Variants in PRSS48 observed in about 807,000 individuals in gnomAD.
The protein encoded by PRSS48 is epidermis-specific serine protease-like protein.
A neutral mutation model predicts 25.6 loss-of-function variants in PRSS48; 21 were observed. That is an observed-to-expected ratio of 0.82 (90% CI 0.58 to 1.18). The LOEUF is 1.18. PRSS48 is among the 50% of genes most tolerant of loss of function. PRSS48 has a pLI of 0.00. For missense variants in PRSS48, 373 were observed against 399.3 expected (o/e 0.93, Z 0.56); for synonymous variants, 150 against 149.3 (o/e 1.00, Z -0.04).
rs533371734 is a variant in PRSS48 at position 151,286,982 on chromosome 4, A to T, written c.651+3696A>T. On this transcript the variant is annotated intron_variant, in intron 4 of 4. Coordinates refer to ENST00000455694, the Ensembl canonical transcript of PRSS48. ...GTGACAGAGTGAGATTCTGTCTCAA[A>T]AATAATAATAATAATAATAATAATA... 6.3e-5 allele frequency among the ~76,000 whole-genome samples: 9 copies of T among 141,836 alleles called. No homozygotes were observed. In the South Asian group the frequency reaches 9.1e-4, roughly 14 times the overall value. 93.0% of individuals were successfully genotyped at this position (141,836 alleles called of 152,430 possible).
At chr4:151,282,227 G>A (rs769232154) in exon 3 of PRSS48, 13 of 1,613,776 alleles carry the variant, frequency 8.1e-6, no homozygotes, top group African/African-American at 6.7e-5. Flanking sequence ...GAAGTACTAC[G>A]TGTCCAAAAT....
At chr4:151,279,280 C>A (rs965437780) in intron 1 of PRSS48, 10 of 196,118 alleles carry the variant, frequency 5.1e-5, no homozygotes, top group Non-Finnish European at 1.0e-4. Context: ...ATTGCCCAGG[C>A]CTCAAGCAGT....
chr4:151,282,389 T>C lies in PRSS48; in HGVS notation c.457T>C (p.Trp153Arg), dbSNP rs748226362. 90 of 1,613,634 alleles carry C rather than the reference T, an allele frequency of 5.6e-5. No individual in the cohort carries two copies. Among genetic ancestry groups the C allele is most frequent in the Non-Finnish European group, 7.5e-5 (88 of 1,179,838 alleles). ...TCCACCCTTTTGTTGGGTGACCGGA[T>C]GGGGAAAAGTTAAGGAAAGTTCAGG... The change falls in exon 3 of 5, where the codon TGG becomes CGG. Residue 153 changes from tryptophan (W) to arginine (R), a missense_variant. Coordinates refer to ENST00000455694, the Ensembl canonical transcript of PRSS48.
chr4:151,286,982 A>AAATAAT (rs113584974), intron 4 of PRSS48, among the ~76,000 whole-genome samples: 5,544 of 141,784 alleles, frequency 0.039, 110 homozygotes, highest in Middle Eastern at 0.069. Context: ...TCTGTCTCAA[A>AAATAAT]AATAATAATA....
At chr4:151,279,427 C>T (rs936388502) in intron 1 of PRSS48, among the ~76,000 whole-genome samples, 3 of 152,048 alleles carry the variant, frequency 2.0e-5, no homozygotes, top group Admixed American at 2.0e-4. Flanking sequence ...GTGAAGATTC[C>T]CACTAATAGG....
intron 2 of PRSS48, among the ~76,000 whole-genome samples, chr4:151,280,803 A>G (rs1350749925): frequency 6.6e-6 from 1 of 152,114 alleles, no homozygotes; most frequent in Non-Finnish European, 1.5e-5. Flanking sequence ...AAAAAAAATT[A>G]AGTTTAAAAA....
intron 3 of PRSS48, 80 bp downstream of exon 3, chr4:151,282,493 T>C (rs763186329): frequency 2.8e-6 from 4 of 1,436,494 alleles, no homozygotes; most frequent in Non-Finnish European, 3.8e-6. Context: ...GGCATATCCT[T>C]ACCATGGAAA....
intron 1 of PRSS48, among the ~76,000 whole-genome samples, chr4:151,277,479 T>C: frequency 6.6e-6 from 1 of 152,212 alleles, no homozygotes; most frequent in Middle Eastern, 3.4e-3. Flanking sequence ...GTGTAAATTA[T>C]AAGGCTTGTT....
At chr4:151,290,786 A>G (rs1470438019) in intron 4 of PRSS48, among the ~76,000 whole-genome samples, 3 of 152,242 alleles carry the variant, frequency 2.0e-5, no homozygotes, top group South Asian at 2.1e-4. Context: ...ACTAAACAAG[A>G]GCAGTAAGAA....
At chr4:151,289,390 A>C (rs1463642191) in intron 4 of PRSS48, among the ~76,000 whole-genome samples, 1 of 152,234 alleles carries the variant, frequency 6.6e-6, no homozygotes. Flanking sequence ...AGTTCTTCAA[A>C]ATTCAGAACT....
chr4:151,290,799 G>A (rs1409434184), intron 4 of PRSS48, among the ~76,000 whole-genome samples: 2 of 152,120 alleles, frequency 1.3e-5, no homozygotes, highest in African/African-American at 4.8e-5. Context: ...AGTAAGAACA[G>A]GAAATTAAGG....
intron 4 of PRSS48, among the ~76,000 whole-genome samples, chr4:151,286,103 C>T (rs1239025353): frequency 6.8e-6 from 1 of 146,816 alleles, no homozygotes; most frequent in East Asian, 2.0e-4. Flanking sequence ...ATTGCTAGAG[C>T]CCAGGAGTTC....
chr4:151,291,325 G>C, exon 5 of PRSS48: 1 of 1,613,742 alleles, frequency 6.2e-7, no homozygotes, highest in East Asian at 2.2e-5. Flanking sequence ...ACTCTCTCTG[G>C]CTCTCCTGCG....
chr4:151,287,610 T>C (rs1364970225), intron 4 of PRSS48, among the ~76,000 whole-genome samples: 1 of 152,130 alleles, frequency 6.6e-6, no homozygotes, highest in Non-Finnish European at 1.5e-5. Flanking sequence ...ATGTGGGTTC[T>C]TTTTAGGATG....
intron 2 of PRSS48, among the ~76,000 whole-genome samples, chr4:151,280,514 TG>T (rs1386120625): frequency 6.6e-6 from 1 of 152,200 alleles, no homozygotes; most frequent in Non-Finnish European, 1.5e-5. Flanking sequence ...ATAAAAACTA[TG>T]AGATAAATAT....
exon 4 of PRSS48, chr4:151,283,249 G>C (rs759254563): frequency 6.2e-7 from 1 of 1,613,764 alleles, no homozygotes; most frequent in Admixed American, 1.7e-5. Flanking sequence ...GACAAGATTT[G>C]TGCTGGTGAT....
chr4:151,287,006 TA>T (rs1345759285), intron 4 of PRSS48, among the ~76,000 whole-genome samples: 1 of 148,344 alleles, frequency 6.7e-6, no homozygotes, highest in Non-Finnish European at 1.5e-5. Context: ...ATAATAATAA[TA>T]ATAGTAATTA....
chr4:151,278,042 C>A (rs1034697371), intron 1 of PRSS48, among the ~76,000 whole-genome samples: 1 of 151,794 alleles, frequency 6.6e-6, no homozygotes, highest in African/African-American at 2.4e-5. Flanking sequence ...CCCCGTCCCC[C>A]CAAAAAACAG....
chr4:151,283,973 G>T (rs1198503785), intron 4 of PRSS48, among the ~76,000 whole-genome samples: 3 of 152,128 alleles, frequency 2.0e-5, no homozygotes, highest in Admixed American at 6.5e-5. Flanking sequence ...GTAATGTGTT[G>T]TTTTGCTCTG....
Sources: gnomAD v4.1 joint callset for allele counts (sites outside exome capture counted in the v4.1 genomes callset) on GRCh38, gnomAD v4.1.1 for gene constraint, MANE v1.5 for transcripts, NCBI Gene and HGNC (gene_info 2026-07-23, HGNC 2026-07-21) for gene names.